The following PLEKHH2 variants were observed in gnomAD, a reference collection of about 807,000 sequenced individuals.
PLEKHH2 encodes pleckstrin homology, MyTH4 and FERM domain containing H2.
Under a neutral mutation model 187.9 loss-of-function variants are expected in PLEKHH2, and 129 were observed. That is an observed-to-expected ratio of 0.69 (90% confidence interval 0.59 to 0.79). PLEKHH2 has a LOEUF of 0.79. PLEKHH2 is among the 30% of genes least tolerant of loss of function. The pLI is 0.00. For synonymous variants in PLEKHH2, 686 were observed against 605.6 expected (o/e 1.13, Z -1.95); for missense variants, 2,076 against 1,751.2 (o/e 1.19, Z -3.31).
chr2:43,753,373 T>A (rs1672081495), intron 24 of PLEKHH2, among the ~76,000 whole-genome samples: 1 of 152,198 alleles, frequency 6.6e-6, no homozygotes, highest in South Asian at 2.1e-4. Flanking sequence ...ATTTAGACAA[T>A]TGACATTTAA....
chr2:43,760,615 G>A (rs886640728), intron 27 of PLEKHH2, among the ~76,000 whole-genome samples: 6 of 152,078 alleles, frequency 3.9e-5, no homozygotes, highest in Middle Eastern at 3.4e-3. Flanking sequence ...CACCCGCCTC[G>A]GCCTCCCAAA....
At chr2:43,656,204 G>A (rs1411164735) in intron 2 of PLEKHH2, among the ~76,000 whole-genome samples, 2 of 152,054 alleles carry the variant, frequency 1.3e-5, no homozygotes, top group African/African-American at 4.8e-5. Flanking sequence ...TGATCTGCCC[G>A]CCTCTGTCTC....
intron 6 of PLEKHH2, 143 bp from the exon 7 acceptor site, chr2:43,697,028 T>C (rs1669127663): frequency 7.1e-6 from 4 of 565,750 alleles, no homozygotes; most frequent in Non-Finnish European, 1.2e-5. Flanking sequence ...AGGTTCTATG[T>C]TATTGTACAT....
intron 19 of PLEKHH2, among the ~76,000 whole-genome samples, chr2:43,736,802 C>A (rs994078795): frequency 3.3e-5 from 5 of 152,086 alleles, no homozygotes; most frequent in Non-Finnish European, 7.4e-5. Flanking sequence ...GCCTGGGCAA[C>A]AGAGCAAGAC....
In PLEKHH2 at chr2:43,666,075, T is replaced by C. The variant is rs13016983; in HGVS notation, c.124-12788T>C. On this transcript the variant is annotated intron_variant, in intron 2 of 29. Transcript: ENST00000282406. ...ATGGCGGGCTCCCCTCCCCCAGCCT[T>C]GCTGCCGCCTTGCAGTTTGATCTCA... is the stretch of plus-strand genomic sequence containing the variant. 7.7e-3 allele frequency among the ~76,000 whole-genome samples: 1,116 copies of C among 144,750 alleles called. 13 individuals are homozygous for C. The highest frequency in any genetic ancestry group is 0.019 in the South Asian group (83 of 4,446). The allele number at this position is 144,750 out of a possible 152,430, so 95.0% of individuals were successfully genotyped here.
At position 43,719,597 on chromosome 2, in the gene PLEKHH2, G is replaced by A. The variant is rs1387483088; in HGVS notation, c.2461-1072G>A. ...TGGAACTACAGATGTCCACCACCAC[G>A]CCTGGCTAATTTTTGTATTTTTAGT... is the stretch of plus-strand genomic sequence containing the variant. On this transcript the variant is annotated intron_variant, in intron 15 of 29. Transcript: ENST00000282406. Among the ~76,000 whole-genome samples the A allele has an allele frequency of 6.6e-5, 10 of 152,220 alleles. No individual in the cohort carries two copies. The East Asian group carries it at 7.7e-4, about 12-fold the overall frequency.
At position 43,672,505 on chromosome 2, in the gene PLEKHH2, A is replaced by T. The variant is rs975108892; in HGVS notation, c.124-6358A>T. ...TTATGCCCTCACTTCTCCACAGTGC[A>T]GCTGGAATCACAAAAGTCACTAATG... On this transcript the variant is annotated intron_variant, in intron 2 of 29. Transcript: ENST00000282406. Among the ~76,000 whole-genome samples, 11 of 152,344 alleles carry T rather than the reference A, an allele frequency of 7.2e-5. No individual in the cohort carries two copies. In the South Asian group the frequency reaches 8.3e-4, roughly 11 times the overall value.
intron 15 of PLEKHH2, among the ~76,000 whole-genome samples, chr2:43,715,361 C>G (rs1241014333): frequency 1.3e-5 from 2 of 152,122 alleles, no homozygotes; most frequent in Admixed American, 6.5e-5. Context: ...CTAGAGGGGC[C>G]TATGGATGGT....
chr2:43,746,737 G>A (rs917186204), intron 24 of PLEKHH2, among the ~76,000 whole-genome samples: 24 of 151,952 alleles, frequency 1.6e-4, no homozygotes, highest in Non-Finnish European at 2.5e-4. Flanking sequence ...TTGGGAGGCC[G>A]AGGCAGGTGG....
intron 8 of PLEKHH2, among the ~76,000 whole-genome samples, chr2:43,701,785 G>A (rs1009303938): frequency 2.2e-5 from 1 of 45,202 alleles, no homozygotes; most frequent in Non-Finnish European, 4.7e-5. Context: ...TTTTTTTTTT[G>A]AGATGAAGTT....
intron 3 of PLEKHH2, among the ~76,000 whole-genome samples, chr2:43,679,807 T>C (rs1301157023): frequency 6.6e-6 from 1 of 152,056 alleles, no homozygotes; most frequent in Non-Finnish European, 1.5e-5. Context: ...TTTTCATACT[T>C]TGAGTTTTTT....
At chr2:43,646,692 C>T (rs1052618555) in intron 2 of PLEKHH2, among the ~76,000 whole-genome samples, 2 of 151,878 alleles carry the variant, frequency 1.3e-5, no homozygotes, top group African/African-American at 2.4e-5. Flanking sequence ...AGTAAAATAG[C>T]TTTTTTATTA....
Position 43,738,395 on chromosome 2 carries a change from A to T in PLEKHH2, c.2998A>T (p.Ile1000Leu), listed in dbSNP as rs1671400245. 1 of 1,613,952 alleles carries T rather than the reference A, an allele frequency of 6.2e-7. No individual in the cohort carries two copies. Among genetic ancestry groups the T allele is most frequent in the Non-Finnish European group, 8.5e-7 (1 of 1,179,872 alleles). The stretch of plus-strand genomic sequence containing the variant: ...TGACTCTCCTGCAATTGATTACCAC[A>T]TATCTTTAGCCCAGAGTGCTTTGCA... The part of the protein sequence containing the change: ...AVDSPAIDYH[I>L]SLAQSALQIC... Residue 1000 changes from isoleucine to leucine, a missense_variant, in exon 20 of 30, where the codon ATA (isoleucine) becomes TTA (leucine). By Grantham distance (5) the Ile-to-Leu change is conservative (BLOSUM62 2). Coordinates refer to ENST00000282406, the MANE Select transcript of PLEKHH2 (RefSeq NM_172069.4).
At chr2:43,677,166 C>T (rs951874322) in intron 2 of PLEKHH2, among the ~76,000 whole-genome samples, 5 of 151,210 alleles carry the variant, frequency 3.3e-5, no homozygotes, top group Non-Finnish European at 7.4e-5. Flanking sequence ...CTCCAGTGAA[C>T]TAGTTTAAAA....
At position 43,720,695 on chromosome 2, in the gene PLEKHH2, C is replaced by G. The variant is rs1670438390; in HGVS notation, c.2487C>G (p.Val829=). Residue 829 remains valine, a synonymous_variant, in exon 16 of 30, where the codon GTC becomes GTG. Coordinates refer to ENST00000282406, the MANE Select transcript of PLEKHH2 (RefSeq NM_172069.4). ...TAAAACATGGATATTCCAAGAGAGT[C>G]TGGTGTACACTAATAGGAAAGACAT... ...TKVKHGYSKR[V]WCTLIGKTLY... 2.5e-6 allele frequency: 4 copies of G among 1,609,478 alleles called. No homozygotes were observed. Among genetic ancestry groups the G allele is most frequent in the African/African-American group, 2.7e-5 (2 of 74,702 alleles).
intron 9 of PLEKHH2, 34 bp downstream of exon 9, chr2:43,704,090 C>G (rs368199630): frequency 9.1e-6 from 13 of 1,430,724 alleles, no homozygotes; most frequent in South Asian, 1.2e-5. Context: ...CCTGGATGAA[C>G]CTTGAGGACT....
At chr2:43,705,535 G>C (rs188032360) in intron 9 of PLEKHH2, among the ~76,000 whole-genome samples, 19 of 152,204 alleles carry the variant, frequency 1.2e-4, no homozygotes, top group Admixed American at 1.1e-3. Context: ...TAGGATTACA[G>C]GTGTGAGCCA....
chr2:43,709,892 G>T, intron 11 of PLEKHH2, 98 bp from the exon 12 acceptor site: 1 of 1,225,712 alleles, frequency 8.2e-7, no homozygotes, highest in Non-Finnish European at 1.1e-6. Flanking sequence ...GGAGGCTTAT[G>T]ATTTAGGAAT....
At chr2:43,676,313 C>T (rs1394417700) in intron 2 of PLEKHH2, 1 of 1,605,962 alleles carries the variant, frequency 6.2e-7, no homozygotes, top group Non-Finnish European at 8.5e-7. Context: ...GTCCCACTAG[C>T]GGAAACCATT....
Sources: gnomAD v4.1 joint callset for allele counts (sites outside exome capture counted in the v4.1 genomes callset) on GRCh38, gnomAD v4.1.1 for gene constraint, MANE v1.5 for transcripts, NCBI Gene and HGNC (gene_info 2026-07-23, HGNC 2026-07-21) for gene names.